The following MACROD2 variants were observed in gnomAD, a reference collection of about 807,000 sequenced individuals.
MACROD2 encodes the protein mono-ADP ribosylhydrolase 2, also known as ADP-ribose glycohydrolase MACROD2.
In MACROD2, 36 loss-of-function variants were observed where a neutral mutation model predicts 70.4. The ratio of observed to expected loss-of-function variants is 0.51; its 90% CI spans 0.39 to 0.68. The LOEUF (loss-of-function observed/expected upper bound fraction) is 0.68. Among genes scored for constraint, MACROD2 ranks in the 30% least tolerant of loss-of-function variants. MACROD2 has a pLI of 0.00. For synonymous variants in MACROD2, 172 were observed against 178.8 expected (o/e 0.96, Z 0.30); for missense variants, 496 against 538.4 (o/e 0.92, Z 0.78).
At chr20:15,767,604 C>A (rs1399061093) in intron 8 of MACROD2, among the ~76,000 whole-genome samples, 1 of 152,166 alleles carries the variant, frequency 6.6e-6, no homozygotes, top group Middle Eastern at 3.2e-3. Flanking sequence ...CCTTGAAGTG[C>A]ATGATTTTTC....
chr20:15,855,718 C>G (rs1208282377), intron 8 of MACROD2, among the ~76,000 whole-genome samples: 1 of 152,138 alleles, frequency 6.6e-6, no homozygotes, highest in Non-Finnish European at 1.5e-5. Context: ...ACTTCTAACT[C>G]CATCGATGAT....
At chr20:14,089,408 C>T (rs2054120169) in intron 3 of MACROD2, among the ~76,000 whole-genome samples, 1 of 152,172 alleles carries the variant, frequency 6.6e-6, no homozygotes, top group South Asian at 2.1e-4. Context: ...TACCCCTAGT[C>T]ACTATGCCAA....
At position 15,321,271 on chromosome 20, in the gene MACROD2, A is replaced by G. The variant is rs754397043; in HGVS notation, c.540+91210A>G. ...GTCCCATTTAGTTTCCCAATGTCTA[A>G]CTTGCATTTACCCTTCTTTCACAGC... On this transcript the variant is annotated intron_variant, in intron 6 of 17. Coordinates refer to ENST00000684519, the MANE Select transcript of MACROD2 (RefSeq NM_001351661.2). Among the ~76,000 whole-genome samples the G allele has an allele frequency of 4.9e-5, 7 of 143,938 alleles. 1 individual carries two copies. The highest frequency in any genetic ancestry group is 9.4e-5 in the Non-Finnish European group (6 of 63,608). The allele number at this position is 143,938 out of a possible 152,430, so 94.4% of individuals were successfully genotyped here.
chr20:15,558,113 C>T (rs1349435329), intron 8 of MACROD2, among the ~76,000 whole-genome samples: 1 of 152,206 alleles, frequency 6.6e-6, no homozygotes, highest in Non-Finnish European at 1.5e-5. Flanking sequence ...CTCAGGGTTT[C>T]TCTACTATCG....
intron 3 of MACROD2, among the ~76,000 whole-genome samples, chr20:14,458,245 T>C (rs1185390949): frequency 1.3e-5 from 2 of 152,178 alleles, no homozygotes; most frequent in African/African-American, 4.8e-5. Flanking sequence ...TCTTTAAATA[T>C]TAACTTTCCA....
intron 5 of MACROD2, among the ~76,000 whole-genome samples, chr20:15,163,278 G>C (rs1323461850): frequency 6.6e-6 from 1 of 151,504 alleles, no homozygotes; most frequent in Admixed American, 6.6e-5. Flanking sequence ...AAAATACAGA[G>C]ATTATCAGAA....
At chr20:16,046,828 G>A (rs553892862) in intron 17 of MACROD2, among the ~76,000 whole-genome samples, 127 of 151,590 alleles carry the variant, frequency 8.4e-4, no homozygotes, top group Admixed American at 2.0e-3. Flanking sequence ...TTACAGTCGC[G>A]TACCACCACA....
intron 8 of MACROD2, among the ~76,000 whole-genome samples, chr20:15,625,811 TTCTTC>T (rs1484458688): frequency 6.6e-6 from 1 of 151,308 alleles, no homozygotes; most frequent in Admixed American, 6.6e-5. Context: ...CATGCAAACT[TTCTTC>T]TCTCTCCTTT....
intron 8 of MACROD2, among the ~76,000 whole-genome samples, chr20:15,695,844 G>C (rs911031326): frequency 6.6e-6 from 1 of 151,844 alleles, no homozygotes; most frequent in African/African-American, 2.4e-5. Flanking sequence ...TTCTCCACTT[G>C]ATCACTGTTT....
chr20:14,861,983 ATATATATATT>A lies in MACROD2; in HGVS notation c.418+177034_418+177043del, dbSNP rs1445152691. Among the ~76,000 whole-genome samples the A allele has an allele frequency of 6.9e-3, 394 of 57,364 alleles. 15 individuals carry two copies. Among genetic ancestry groups the A allele is most frequent in the African/African-American group, 0.021 (273 of 13,202 alleles). 37.6% of individuals were successfully genotyped at this position (57,364 alleles called of 152,430 possible). A position where few individuals can be genotyped will look rare whatever the true frequency, so the allele number is the denominator to read the frequency against. ...TTGGAGGTTTTATATATAAATATAT[ATATATATATT>A]TATATATATATTTATATATATATAT... On this transcript the variant is annotated intron_variant, in intron 5 of 17. Coordinates refer to ENST00000684519, the MANE Select transcript of MACROD2 (RefSeq NM_001351661.2).
At chr20:15,813,121 A>G (rs905353918) in intron 8 of MACROD2, among the ~76,000 whole-genome samples, 1 of 152,094 alleles carries the variant, frequency 6.6e-6, no homozygotes, top group Non-Finnish European at 1.5e-5. Flanking sequence ...TCCTTTAATC[A>G]TTAGCATGCA....
At chr20:14,288,683 C>A (rs922855197) in intron 3 of MACROD2, among the ~76,000 whole-genome samples, 1 of 152,128 alleles carries the variant, frequency 6.6e-6, no homozygotes, top group East Asian at 1.9e-4. Flanking sequence ...TTTCAAGAGC[C>A]CTTCATTTCC....
intron 6 of MACROD2, among the ~76,000 whole-genome samples, chr20:15,250,796 TTTC>T (rs1227231563): frequency 6.6e-6 from 1 of 152,200 alleles, no homozygotes; most frequent in Non-Finnish European, 1.5e-5. Context: ...TTTGAATATT[TTTC>T]TTCTTCCTCC....
At chr20:15,334,682 A>G (rs1219573090) in intron 6 of MACROD2, among the ~76,000 whole-genome samples, 3 of 151,692 alleles carry the variant, frequency 2.0e-5, no homozygotes, top group Non-Finnish European at 4.4e-5. Flanking sequence ...GCTGGGCACC[A>G]TGGAAAGTCT....
intron 12 of MACROD2, 108 bp from the exon 13 acceptor site, chr20:15,967,445 G>A (rs187618075): frequency 6.6e-5 from 61 of 918,752 alleles, no homozygotes; most frequent in Admixed American, 5.8e-4. Context: ...TTTTTAAAAC[G>A]AATAAATTCT....
chr20:14,041,589 T>C (rs2053391018), intron 2 of MACROD2, among the ~76,000 whole-genome samples: 1 of 152,182 alleles, frequency 6.6e-6, no homozygotes, highest in Non-Finnish European at 1.5e-5. Flanking sequence ...ATTTTGAGGC[T>C]TTCTAGAAAG....
chr20:14,628,876 C>T (rs1310204068), intron 4 of MACROD2: 1 of 152,150 alleles, frequency 6.6e-6, no homozygotes, highest in African/African-American at 2.4e-5. Context: ...GTCTCTTACC[C>T]AAGATAAATA....
intron 5 of MACROD2, among the ~76,000 whole-genome samples, chr20:15,053,720 G>A (rs2075461032): frequency 6.6e-6 from 1 of 152,176 alleles, no homozygotes; most frequent in Admixed American, 6.5e-5. Context: ...GAGTAAGTAT[G>A]ACTTTCAAGT....
At chr20:15,327,242 C>G (rs2146182926) in intron 6 of MACROD2, among the ~76,000 whole-genome samples, 1 of 152,170 alleles carries the variant, frequency 6.6e-6, no homozygotes, top group Middle Eastern at 3.4e-3. Flanking sequence ...TTTCTGTGTC[C>G]TTGTGTCTTC....
Sources: allele counts gnomAD v4.1 joint callset (sites outside exome capture counted in the v4.1 genomes callset), GRCh38; gene constraint gnomAD v4.1.1; transcripts MANE v1.5; gene names NCBI Gene and HGNC (gene_info 2026-07-23, HGNC 2026-07-21).